The following RIF1 variants were observed in gnomAD, a reference collection of about 807,000 sequenced individuals.
RIF1 encodes telomere-associated protein RIF1.
In RIF1, 45 loss-of-function variants were observed where a neutral mutation model predicts 247.1. The observed-to-expected ratio is 0.18, with a 90% CI of 0.14 to 0.23. The LOEUF (loss-of-function observed/expected upper bound fraction) is 0.23. Among genes scored for constraint, RIF1 ranks in the 10% least tolerant of loss-of-function variants. The pLI is 1.00. For missense variants in RIF1, 2,967 were observed against 2,862.5 expected, an observed-to-expected ratio of 1.04 and a Z score of -0.83; for synonymous variants, 1,087 against 978.8, an observed-to-expected ratio of 1.11 and a Z score of -2.06.
At chr2:151,411,557 C>T (rs1302504692) in intron 3 of RIF1, among the ~76,000 whole-genome samples, 1 of 151,982 alleles carries the variant, frequency 6.6e-6, no homozygotes, top group Non-Finnish European at 1.5e-5. Flanking sequence ...CATCCGCCAC[C>T]GCCCCGGCTA....
At chr2:151,496,256 T>A in intron 10 of RIF1, 2 of 1,568,850 alleles carry the variant, frequency 1.3e-6, no homozygotes, top group South Asian at 2.3e-5. Context: ...AAGTAGTTTT[T>A]TTCTTTTCTC....
At chr2:151,444,972 C>T (rs1693002762) in intron 18 of RIF1, among the ~76,000 whole-genome samples, 1 of 152,156 alleles carries the variant, frequency 6.6e-6, no homozygotes, top group African/African-American at 2.4e-5. Context: ...CTGTTCATGC[C>T]TCTCAGCTTC....
intron 7 of RIF1, among the ~76,000 whole-genome samples, chr2:151,421,273 T>C (rs1688123446): frequency 6.6e-6 from 1 of 152,120 alleles, no homozygotes; most frequent in Non-Finnish European, 1.5e-5. Flanking sequence ...CGGAGAGTGC[T>C]GTGAGAAAGG....
At chr2:151,524,149 C>T in the RIF1 span, among the ~76,000 whole-genome samples, 11 of 152,184 alleles carry the variant, frequency 7.2e-5, no homozygotes, top group East Asian at 3.8e-4. Context: ...TAGAGGGAAA[C>T]GAGAAAAGGC....
Position 151,435,566 on chromosome 2 carries a change from C to T in RIF1, c.1181C>T (p.Thr394Ile). The T allele has an allele frequency of 6.3e-7, 1 of 1,575,212 alleles. No individual in the cohort carries two copies. Among genetic ancestry groups the T allele is most frequent in the Non-Finnish European group, 8.7e-7 (1 of 1,144,826 alleles). ...VATSPGLNPM[T>I]PVHKGASSPY... ...ACATCTCCAGGTTTAAATCCTATGA[C>T]TCCTGTACACAAAGGTAAGAGGTAG... The change falls in exon 11 of 36, where the codon ACT becomes ATT. Residue 394 changes from threonine to isoleucine, a missense_variant. Physicochemically the swap from Thr to Ile is moderately conservative, Grantham distance 89. Around this residue, in one of 7 missense-constraint regions of RIF1, gnomAD observed 369 missense variants for 322.0 expected, o/e 1.15. Transcript: ENST00000444746.
chr2:151,524,654 C>CTTTTTTTTTTTTTTTTT, the RIF1 span: 2 of 255,202 alleles, frequency 7.8e-6, no homozygotes, highest in East Asian at 1.1e-4. Context: ...AAGAGAGAGG[C>CTTTTTTTTTTTTTTTTT]TTTTTTTTTT....
rs1313718490 is a variant in RIF1, at chr2:151,496,846, T to C, written c.*513+1520T>C. 4 of 1,351,312 alleles carry C rather than the reference T, an allele frequency of 3.0e-6. No individual in the cohort carries two copies. In the Admixed American group the frequency reaches 9.3e-5, roughly 31 times the overall value. 83.7% of individuals were successfully genotyped at this position (1,351,312 alleles called of 1,614,324 possible). On this transcript the variant is annotated intron_variant and NMD_transcript_variant, in intron 10 of 13. Transcript: ENST00000454583. Reference sequence around the variant, plus strand: ...TGCTAAAGAAAGAAGTTCACAAAATTTGTCTTTAGAAAATAGGATTAATAT... The same window carrying C: ...TGCTAAAGAAAGAAGTTCACAAAATCTGTCTTTAGAAAATAGGATTAATAT...
At chr2:151,429,045 T>C in intron 9 of RIF1, 123 bp downstream of exon 9, 1 of 625,018 alleles carries the variant, frequency 1.6e-6, no homozygotes, top group Non-Finnish European at 2.7e-6. Context: ...ATTATTTTCA[T>C]TTTAAGGGAA....
At chr2:151,410,118 C>G (rs973242613) in intron 1 of RIF1, 85 bp downstream of exon 1, 18 of 687,906 alleles carry the variant, frequency 2.6e-5, no homozygotes, top group African/African-American at 7.1e-5. Context: ...CGAGATGCCT[C>G]GTTCCCCGGG....
intron 10 of RIF1, chr2:151,497,362 T>G (rs746355961): frequency 4.1e-6 from 4 of 982,462 alleles, no homozygotes; most frequent in Non-Finnish European, 4.8e-6. Flanking sequence ...CTCAGTGGTG[T>G]TATCCACACA....
intron 20 of RIF1, among the ~76,000 whole-genome samples, chr2:151,446,802 C>T (rs1006246209): frequency 4.6e-5 from 7 of 152,052 alleles, no homozygotes; most frequent in Admixed American, 3.3e-4. Context: ...TGTGTTATCT[C>T]CTTGTGCTTG....
Position 151,469,762 on chromosome 2 carries a change from T to C in RIF1, c.6993T>C (p.Gly2331=). ...GAGCTAAGAATATAAAAACTATTGGTGATTTGAGTACTCTTACAGCATCTG... is the reference window on the plus strand; with the variant it reads ...GAGCTAAGAATATAAAAACTATTGGCGATTTGAGTACTCTTACAGCATCTG... The part of the protein sequence containing the change: ...LIRAKNIKTI[G]DLSTLTASEI... The change falls in exon 34 of 36, where the codon GGT becomes GGC. Residue 2331 remains glycine (G), a synonymous_variant. Coordinates refer to ENST00000444746, the MANE Select transcript of RIF1 (RefSeq NM_018151.5). The C allele has an allele frequency of 6.2e-7, 1 of 1,609,222 alleles. No individual in the cohort carries two copies. Among genetic ancestry groups the C allele is most frequent in the Non-Finnish European group, 8.5e-7 (1 of 1,177,118 alleles).
chr2:151,459,014 G>T, intron 25 of RIF1, 104 bp downstream of exon 25: 2 of 640,318 alleles, frequency 3.1e-6, no homozygotes, highest in Admixed American at 3.3e-5. Context: ...TTGTAACATA[G>T]GCTTTTTCCA....
chr2:151,425,660 C>CTTTTTTT lies in RIF1; in HGVS notation c.786+2634_786+2640dup, dbSNP rs34032157. Among the ~76,000 whole-genome samples the CTTTTTTT allele has an allele frequency of 4.8e-3, 403 of 83,696 alleles. 1 individual carries two copies. Among genetic ancestry groups the CTTTTTTT allele is most frequent in the Admixed American group, 6.0e-3 (30 of 5,024 alleles). The allele number at this position is 83,696 out of a possible 152,430, so 54.9% of individuals were successfully genotyped here. On this transcript the variant is annotated intron_variant, in intron 8 of 35. Transcript: ENST00000444746. ...GTTTTTATTAAATCCTTGTGGTACCCTTTTTTTTTTTTTTTTTTTTTTGTG... is the reference window on the plus strand; with the variant it reads ...GTTTTTATTAAATCCTTGTGGTACCCTTTTTTTTTTTTTTTTTTTTTTTTTTTTTGTG...
chr2:151,527,444 T>C, the RIF1 span: 1 of 1,383,528 alleles, frequency 7.2e-7, no homozygotes, highest in Non-Finnish European at 1.0e-6. Flanking sequence ...TCAGGTGCAG[T>C]ATGCAGTTAC....
downstream of RIF1, among the ~76,000 whole-genome samples, chr2:151,511,348 C>G (rs74751445): frequency 6.6e-6 from 1 of 152,172 alleles, no homozygotes; most frequent in South Asian, 2.1e-4. Flanking sequence ...AAACCACTCT[C>G]TAGTGATAAC....
the RIF1 span, chr2:151,531,044 C>A: frequency 6.2e-7 from 1 of 1,613,530 alleles, no homozygotes; most frequent in Non-Finnish European, 8.5e-7. Context: ...ATGGGTGTGT[C>A]GTGGATTGTG....
chr2:151,524,375 C>T, the RIF1 span: 11 of 1,613,980 alleles, frequency 6.8e-6, no homozygotes, highest in South Asian at 1.2e-4. Flanking sequence ...CATGCTTAAG[C>T]CATGGCTGCC....
intron 20 of RIF1, among the ~76,000 whole-genome samples, chr2:151,450,135 C>A (rs1180194853): frequency 6.6e-6 from 1 of 152,102 alleles, no homozygotes. Context: ...AGCCACCACA[C>A]CCAGCCTTTG....
Sources: allele counts gnomAD v4.1 joint callset (sites outside exome capture counted in the v4.1 genomes callset), GRCh38; gene constraint gnomAD v4.1.1; regional missense constraint gnomAD v4.1.1; transcripts MANE v1.5; gene names NCBI Gene and HGNC (gene_info 2026-07-23, HGNC 2026-07-21).